The following ALK variants were observed in gnomAD, a reference collection of about 807,000 sequenced individuals.
The protein encoded by ALK is ALK tyrosine kinase receptor.
Under a neutral mutation model 163.1 loss-of-function variants are expected in ALK, and 74 were observed. That is an observed-to-expected ratio of 0.45 (90% CI 0.38 to 0.55). ALK has a LOEUF of 0.55. Among genes scored for constraint, ALK ranks in the 20% least tolerant of loss-of-function variants. The pLI, the probability that ALK is intolerant of heterozygous loss-of-function variation, is 0.00. For missense variants in ALK, 2,063 were observed against 2,105.3 expected, an observed-to-expected ratio of 0.98 and a Z score of 0.39; for synonymous variants, 960 against 843.2, an observed-to-expected ratio of 1.14 and a Z score of -2.40.
intron 3 of ALK, among the ~76,000 whole-genome samples, chr2:29,614,861 T>C (rs1675796990): frequency 6.6e-6 from 1 of 152,202 alleles, no homozygotes; most frequent in Non-Finnish European, 1.5e-5. Context: ...TCCCACTTTT[T>C]CTTGTTGGAT....
At chr2:29,679,312 A>G (rs1411618380) in intron 3 of ALK, among the ~76,000 whole-genome samples, 1 of 151,550 alleles carries the variant, frequency 6.6e-6, no homozygotes, top group Non-Finnish European at 1.5e-5. Flanking sequence ...TAGTCTGACA[A>G]TCTCTGATCT....
chr2:29,331,258 T>C (rs977532264), intron 5 of ALK, among the ~76,000 whole-genome samples: 2 of 152,188 alleles, frequency 1.3e-5, no homozygotes, highest in African/African-American at 4.8e-5. Flanking sequence ...AACTTATAGA[T>C]TCTAAGTGCA....
At chr2:29,898,069 A>G (rs915534458) in intron 1 of ALK, among the ~76,000 whole-genome samples, 1 of 152,258 alleles carries the variant, frequency 6.6e-6, no homozygotes, top group Non-Finnish European at 1.5e-5. Flanking sequence ...GAAAAGGGAA[A>G]GGGAAGAATA....
At chr2:29,437,407 G>C (rs148727048) in intron 4 of ALK, among the ~76,000 whole-genome samples, 3 of 152,236 alleles carry the variant, frequency 2.0e-5, no homozygotes, top group African/African-American at 7.2e-5. Context: ...TCTCCCATTA[G>C]ACACAGAATG....
intron 8 of ALK, among the ~76,000 whole-genome samples, chr2:29,306,020 C>T (rs1224380579): frequency 6.6e-6 from 1 of 151,856 alleles, no homozygotes; most frequent in African/African-American, 2.4e-5. Context: ...AAGTTTTGCT[C>T]ACTTGCCTGC....
In ALK at chr2:29,288,983, T is replaced by A. The variant is rs1330145018; in HGVS notation, c.1817+7905A>T. Among the ~76,000 whole-genome samples, 667 of 133,988 alleles carry A rather than the reference T, an allele frequency of 5.0e-3. 32 individuals are homozygous for A. The highest frequency in any genetic ancestry group is 0.025 in the East Asian group (112 of 4,508). 87.9% of individuals were successfully genotyped at this position (133,988 alleles called of 152,430 possible). On this transcript the variant is annotated intron_variant, in intron 9 of 28. Transcript: ENST00000389048. ...ATAAATAAATAAATAAATAAATAAA[T>A]AAATAAATAAATAAATAAAAGAAAA... is the stretch of plus-strand genomic sequence containing the variant.
At chr2:29,851,048 T>C (rs1488116389) in intron 1 of ALK, among the ~76,000 whole-genome samples, 1 of 152,246 alleles carries the variant, frequency 6.6e-6, no homozygotes, top group Non-Finnish European at 1.5e-5. Flanking sequence ...CCTAGCACAG[T>C]GCCAAACACA....
intron 4 of ALK, among the ~76,000 whole-genome samples, chr2:29,520,105 G>T (rs9973834): frequency 0.06 from 9,095 of 152,192 alleles, 453 homozygotes; most frequent in African/African-American, 0.13. Context: ...GAACTAAAAG[G>T]CACACACGGA....
rs1670283 is a variant in ALK, at chr2:29,193,706, T to C, written c.4381A>G (p.Ile1461Val). The change falls in exon 29 of 29, where the codon ATC becomes GTC. Residue 1461 changes from isoleucine to valine, a missense_variant. Ile to Val is a conservative substitution (Grantham distance 29). Transcript: ENST00000389048. ...GGCCCTCTAGGGACTCGAACAGAGA[T>C]CTCTGCAGCTGTGGGTTTCTTTGCA... ...KAAKKPTAAEISVRVPRGPAV... is the reference protein window; with the variant it reads ...KAAKKPTAAEVSVRVPRGPAV... 1,608,825 of 1,611,610 alleles carry C rather than the reference T, an allele frequency of 1. 803,064 individuals are homozygous for C. The highest frequency in any genetic ancestry group is 1 in the East Asian group (44,818 of 44,818).
chr2:29,876,523 G>C (rs1021905435), intron 1 of ALK, among the ~76,000 whole-genome samples: 2 of 149,448 alleles, frequency 1.3e-5, no homozygotes, highest in Non-Finnish European at 3.0e-5. Context: ...AATGATGATG[G>C]TGATGGTGAT....
intron 1 of ALK, among the ~76,000 whole-genome samples, chr2:29,839,307 G>C (rs568955793): frequency 6.6e-6 from 1 of 152,282 alleles, no homozygotes; most frequent in Non-Finnish European, 1.5e-5. Flanking sequence ...TAATAAGAAA[G>C]ATGAGTAAGT....
intron 23 of ALK, among the ~76,000 whole-genome samples, chr2:29,216,907 T>G (rs985115594): frequency 9.3e-6 from 1 of 107,842 alleles, no homozygotes; most frequent in Non-Finnish European, 2.2e-5. Context: ...TGAGTATATG[T>G]GGTATATGTC....
intron 9 of ALK, among the ~76,000 whole-genome samples, chr2:29,282,826 T>C (rs1665750076): frequency 6.6e-6 from 1 of 152,146 alleles, no homozygotes; most frequent in Admixed American, 6.5e-5. Flanking sequence ...CCAGGCATTC[T>C]GTGCTCACTT....
At chr2:29,446,365 G>T (rs1044151874) in intron 4 of ALK, among the ~76,000 whole-genome samples, 1 of 152,014 alleles carries the variant, frequency 6.6e-6, no homozygotes, top group Non-Finnish European at 1.5e-5. Context: ...TGACCCCTCC[G>T]ATCCCCTTGT....
At chr2:29,202,655 G>A (rs1366949758) in intron 26 of ALK, among the ~76,000 whole-genome samples, 1 of 152,108 alleles carries the variant, frequency 6.6e-6, no homozygotes, top group African/African-American at 2.4e-5. Flanking sequence ...ACTCCTTTTT[G>A]TAATTTGCTT....
intron 11 of ALK, among the ~76,000 whole-genome samples, chr2:29,262,434 A>T (rs1335007558): frequency 7.2e-5 from 11 of 152,088 alleles, no homozygotes; most frequent in African/African-American, 2.4e-4. Context: ...CTGTGTATAC[A>T]CACCCACCCC....
At chr2:29,578,996 T>G (rs1301569058) in intron 3 of ALK, among the ~76,000 whole-genome samples, 1 of 152,134 alleles carries the variant, frequency 6.6e-6, no homozygotes, top group African/African-American at 2.4e-5. Context: ...TAAAAAGCAA[T>G]GTCAGCAGGA....
chr2:29,587,121 C>G (rs1407601346), intron 3 of ALK, among the ~76,000 whole-genome samples: 1 of 152,190 alleles, frequency 6.6e-6, no homozygotes, highest in Non-Finnish European at 1.5e-5. Context: ...CTCCCCAGGG[C>G]AACTGGAGGG....
At position 29,844,362 on chromosome 2, in the gene ALK, C is replaced by T. The variant is rs1360962538; in HGVS notation, c.667+75631G>A. 2.6e-5 allele frequency among the ~76,000 whole-genome samples: 4 copies of T among 152,134 alleles called. No homozygotes were observed. In the East Asian group the frequency reaches 5.8e-4, roughly 22 times the overall value. ...GGGAGCAGGTGCAGATCATGTACCTCGTGTGCCATTTTAGGGAATATTTTA... is the reference window on the plus strand; with the variant it reads ...GGGAGCAGGTGCAGATCATGTACCTTGTGTGCCATTTTAGGGAATATTTTA... On this transcript the variant is annotated intron_variant, in intron 1 of 28. Coordinates refer to ENST00000389048, the MANE Select transcript of ALK (RefSeq NM_004304.5).
Sources: allele counts gnomAD v4.1 joint callset (sites outside exome capture counted in the v4.1 genomes callset), GRCh38; gene constraint gnomAD v4.1.1; transcripts MANE v1.5; gene names NCBI Gene and HGNC (gene_info 2026-07-23, HGNC 2026-07-21).